MCC: variants seen among roughly 807,000 people sequenced by gnomAD.
MCC encodes the protein MCC regulator of Wnt signaling pathway.
A neutral mutation model predicts 116.2 loss-of-function variants in MCC; 90 were observed. The ratio of observed to expected loss-of-function variants is 0.77; its 90% confidence interval spans 0.65 to 0.92. The LOEUF is 0.92. MCC is among the 40% of genes least tolerant of loss of function. MCC has a pLI of 0.00. For missense variants in MCC, 1,516 were observed against 1,312.2 expected, an observed-to-expected ratio of 1.16 and a Z score of -2.40; for synonymous variants, 578 against 510.5, an observed-to-expected ratio of 1.13 and a Z score of -1.78.
chr5:113,452,372 G>C (rs555613731), intron 1 of MCC, among the ~76,000 whole-genome samples: 1 of 152,354 alleles, frequency 6.6e-6, no homozygotes, highest in South Asian at 2.1e-4. Flanking sequence ...CAATGTGATG[G>C]TATTAGAAGG....
chr5:113,301,945 A>T (rs1434280267), intron 3 of MCC, among the ~76,000 whole-genome samples: 1 of 152,214 alleles, frequency 6.6e-6, no homozygotes, highest in Middle Eastern at 3.2e-3. Flanking sequence ...TGCAGGGCAA[A>T]GACATGATCC....
intron 15 of MCC, among the ~76,000 whole-genome samples, chr5:113,050,454 C>T (rs1752414817): frequency 1.3e-5 from 2 of 152,228 alleles, no homozygotes; most frequent in Middle Eastern, 3.4e-3. Flanking sequence ...GTAAGTTGGA[C>T]TAGGGGGTAG....
chr5:113,036,640 T>A (rs1751349377), intron 17 of MCC, among the ~76,000 whole-genome samples: 1 of 152,156 alleles, frequency 6.6e-6, no homozygotes, highest in Non-Finnish European at 1.5e-5. Context: ...TATGAACATG[T>A]TTCTTGTCCA....
At chr5:113,237,120 C>T (rs1210580513) in intron 3 of MCC, among the ~76,000 whole-genome samples, 8 of 152,148 alleles carry the variant, frequency 5.3e-5, no homozygotes, top group East Asian at 3.8e-4. Flanking sequence ...GAAATGTATA[C>T]GCCTTCAGGG....
chr5:113,455,716 A>C (rs937200283), intron 1 of MCC, among the ~76,000 whole-genome samples: 7 of 152,234 alleles, frequency 4.6e-5, no homozygotes, highest in Admixed American at 2.6e-4. Context: ...ATAATGAACC[A>C]AACATAATCA....
chr5:113,241,364 C>G (rs966268904), intron 3 of MCC, among the ~76,000 whole-genome samples: 1 of 152,128 alleles, frequency 6.6e-6, no homozygotes, highest in Non-Finnish European at 1.5e-5. Context: ...ACAGAATAGA[C>G]AGAATGATGC....
chr5:113,101,777 T>C lies in MCC; in HGVS notation c.1360A>G (p.Asn454Asp), dbSNP rs111983545. 1 of 1,613,566 alleles carries C rather than the reference T, an allele frequency of 6.2e-7. No individual in the cohort carries two copies. The highest frequency in any genetic ancestry group is 8.5e-7 in the Non-Finnish European group (1 of 1,180,020). The change falls in exon 8 of 19, where the codon AAT becomes GAT. Residue 454 changes from asparagine to aspartate, a missense_variant. Transcript: ENST00000408903. ...CGGTCCCGCTCTTCCCGGATGGCAT[T>C]CATGGTGGCCTTAGTCCGGTTCAGT... ...EELNRTKATM[N>D]AIREERDRLR...
At chr5:113,397,639 T>C (rs774811030) in intron 1 of MCC, among the ~76,000 whole-genome samples, 1 of 152,064 alleles carries the variant, frequency 6.6e-6, no homozygotes, top group African/African-American at 2.4e-5. Flanking sequence ...TAGCTATAAG[T>C]AGAAGAATGA....
intron 3 of MCC, among the ~76,000 whole-genome samples, chr5:113,221,719 C>T (rs1217681923): frequency 6.6e-6 from 1 of 152,228 alleles, no homozygotes; most frequent in Non-Finnish European, 1.5e-5. Context: ...GGAACTGACT[C>T]AGTGCAAGAG....
At chr5:113,374,014 A>G (rs775522624) in intron 2 of MCC, among the ~76,000 whole-genome samples, 5 of 151,752 alleles carry the variant, frequency 3.3e-5, no homozygotes, top group African/African-American at 9.7e-5. Flanking sequence ...CTTCCACTTC[A>G]GCCTCCTGGG....
intron 3 of MCC, among the ~76,000 whole-genome samples, chr5:113,301,066 T>C (rs13358281): frequency 0.028 from 4,233 of 152,290 alleles, 205 homozygotes; most frequent in African/African-American, 0.096. Flanking sequence ...GTGCTAGATA[T>C]TGTCCTGCAT....
rs942670699 is a variant in MCC, at chr5:113,463,665, T to C, written c.170+24580A>G. Among the ~76,000 whole-genome samples the C allele has an allele frequency of 8.5e-5, 13 of 152,150 alleles. No individual in the cohort carries two copies. In the East Asian group the frequency reaches 1.2e-3, roughly 14 times the overall value. ...TGTGGAGTTTAAAATGCCTTACAAATACCTGGCAGGAGATGATTTATAGGC... is the reference window on the plus strand; with the variant it reads ...TGTGGAGTTTAAAATGCCTTACAAACACCTGGCAGGAGATGATTTATAGGC... On this transcript the variant is annotated intron_variant, in intron 1 of 18. Transcript: ENST00000408903.
intron 3 of MCC, among the ~76,000 whole-genome samples, chr5:113,155,902 T>C (rs1442992769): frequency 1.3e-5 from 2 of 152,238 alleles, no homozygotes; most frequent in African/African-American, 4.8e-5. Context: ...GCGCTAGGTA[T>C]AGCCATGTGA....
intron 5 of MCC, among the ~76,000 whole-genome samples, chr5:113,130,093 C>G (rs2150276132): frequency 6.6e-6 from 1 of 152,278 alleles, no homozygotes; most frequent in South Asian, 2.1e-4. Flanking sequence ...CCCAAATGCC[C>G]ATCAAGGATA....
intron 3 of MCC, among the ~76,000 whole-genome samples, chr5:113,277,137 G>T (rs1765860948): frequency 6.6e-6 from 1 of 151,614 alleles, no homozygotes. Flanking sequence ...GAGGTCAGGA[G>T]TTCAAGACCA....
rs371285003 is a variant in MCC at position 113,205,483 on chromosome 5, C to T, written c.628-54061G>A. ...CTCTGCCATGTCCCTTGTGGGGCTT[C>T]CCTTCCTCTTCTAGGCTGCATTTGT... On this transcript the variant is annotated intron_variant, in intron 3 of 18. Transcript: ENST00000408903. Among the ~76,000 whole-genome samples the T allele has an allele frequency of 8.9e-4, 136 of 152,302 alleles. 1 individual carries two copies. Among genetic ancestry groups the T allele is most frequent in the African/African-American group, 3.1e-3 (128 of 41,574 alleles).
At chr5:113,154,769 T>G (rs930174606) in intron 3 of MCC, among the ~76,000 whole-genome samples, 1 of 152,218 alleles carries the variant, frequency 6.6e-6, no homozygotes, top group South Asian at 2.1e-4. Context: ...TTTACTGAAA[T>G]ATAATATTTA....
chr5:113,160,160 C>G (rs1294001507), intron 3 of MCC, among the ~76,000 whole-genome samples: 1 of 152,198 alleles, frequency 6.6e-6, no homozygotes, highest in Admixed American at 6.5e-5. Context: ...GATCACAAAG[C>G]AGGCCCAGGT....
chr5:113,344,768 C>T (rs1116546), intron 2 of MCC, among the ~76,000 whole-genome samples: 2,277 of 151,960 alleles, frequency 0.015, 73 homozygotes, highest in African/African-American at 0.052. Context: ...CATTGGGCCC[C>T]GAATAATCAG....
Sources: gnomAD v4.1 joint callset for allele counts (sites outside exome capture counted in the v4.1 genomes callset) on GRCh38, gnomAD v4.1.1 for gene constraint, MANE v1.5 for transcripts, NCBI Gene and HGNC (gene_info 2026-07-23, HGNC 2026-07-21) for gene names.